POU2F1: variants seen among roughly 807,000 people sequenced by gnomAD.
POU2F1 encodes the protein POU domain, class 2, transcription factor 1.
Under a neutral mutation model 84.9 loss-of-function variants are expected in POU2F1, and 16 were observed. That is an observed-to-expected ratio of 0.19 (90% CI 0.13 to 0.29). The LOEUF (loss-of-function observed/expected upper bound fraction) is 0.29. POU2F1 is among the 10% of genes least tolerant of loss of function. The pLI is 1.00. For missense variants in POU2F1, 738 were observed against 942.6 expected (o/e 0.78, Z 2.84); for synonymous variants, 368 against 368.3 (o/e 1.00, Z 0.01).
chr1:167,382,177 C>T (rs1165099644), intron 7 of POU2F1, among the ~76,000 whole-genome samples: 1 of 152,086 alleles, frequency 6.6e-6, no homozygotes, highest in Admixed American at 6.5e-5. Flanking sequence ...AACATGTAAA[C>T]AAATGGTTTA....
At chr1:167,306,624 A>G (rs1201110248) in intron 1 of POU2F1, among the ~76,000 whole-genome samples, 1 of 152,174 alleles carries the variant, frequency 6.6e-6, no homozygotes, top group African/African-American at 2.4e-5. Context: ...ACTACAAACA[A>G]CAGAAATTTA....
intron 2 of POU2F1, among the ~76,000 whole-genome samples, chr1:167,348,438 A>G (rs968172412): frequency 5.9e-5 from 9 of 152,176 alleles, no homozygotes; most frequent in Non-Finnish European, 1.3e-4. Flanking sequence ...CAGCTGAACC[A>G]TTTTATATTT....
At chr1:167,227,243 T>G (rs1648705714) in intron 1 of POU2F1, among the ~76,000 whole-genome samples, 1 of 152,220 alleles carries the variant, frequency 6.6e-6, no homozygotes, top group Non-Finnish European at 1.5e-5. Flanking sequence ...CAAGTGCAGT[T>G]TATCACATTA....
At position 167,415,711 on chromosome 1, in the gene POU2F1, C is replaced by T. The variant is rs1462309844; in HGVS notation, c.2202C>T (p.Ala734=). 1.2e-6 allele frequency: 2 copies of T among 1,614,014 alleles called. No individual in the cohort carries two copies. Among genetic ancestry groups the T allele is most frequent in the Non-Finnish European group, 1.7e-6 (2 of 1,180,020 alleles). ...GNSAPVASLH[A]TSTSAESIQN... ...CTGCACCTGTAGCCAGCCTTCACGC[C>T]ACCTCCACCTCTGCTGAGTCCATCC... The change falls in exon 16 of 16, where the codon GCC becomes GCT. Residue 734 remains alanine, a synonymous_variant. Coordinates refer to ENST00000367866, the MANE Select transcript of POU2F1 (RefSeq NM_002697.4).
chr1:167,313,049 A>G (rs930241040), intron 1 of POU2F1, among the ~76,000 whole-genome samples: 2 of 152,208 alleles, frequency 1.3e-5, no homozygotes, highest in African/African-American at 4.8e-5. Context: ...GAAACCACCA[A>G]ATGACACATT....
chr1:167,383,986 T>C (rs781451828), intron 8 of POU2F1, 35 bp downstream of exon 8: 1 of 1,527,250 alleles, frequency 6.5e-7, no homozygotes, highest in East Asian at 2.3e-5. Context: ...CTTTCTCTTA[T>C]CATATTGTTT....
chr1:167,381,344 A>C (rs1220546927), intron 7 of POU2F1, among the ~76,000 whole-genome samples: 1 of 152,114 alleles, frequency 6.6e-6, no homozygotes, highest in Non-Finnish European at 1.5e-5. Flanking sequence ...CGGCCTCCCA[A>C]AGTGCTGGGA....
At chr1:167,303,964 A>G (rs2102576757) in intron 1 of POU2F1, among the ~76,000 whole-genome samples, 1 of 152,304 alleles carries the variant, frequency 6.6e-6, no homozygotes. Context: ...TAATGGTTTT[A>G]TAAAATTAAT....
At chr1:167,254,625 T>C (rs1415982983) in intron 1 of POU2F1, among the ~76,000 whole-genome samples, 4 of 152,236 alleles carry the variant, frequency 2.6e-5, no homozygotes, top group Non-Finnish European at 5.9e-5. Flanking sequence ...CCATAGAGTA[T>C]CTTGATGCTA....
chr1:167,364,386 C>T (rs1448485571), intron 2 of POU2F1, among the ~76,000 whole-genome samples: 9 of 149,350 alleles, frequency 6.0e-5, no homozygotes, highest in African/African-American at 2.0e-4. Context: ...AAAAATTAGC[C>T]GGGCGTAGTG....
chr1:167,321,341 G>T (rs914837961), intron 1 of POU2F1, among the ~76,000 whole-genome samples: 3 of 152,186 alleles, frequency 2.0e-5, no homozygotes, highest in African/African-American at 7.2e-5. Context: ...AATGCAAACT[G>T]TTCACAGTCC....
rs1453948390 is a variant in POU2F1, at chr1:167,413,107, T to G, written c.1983T>G (p.Thr661=). ...TAATGAGCAACAGTACACTGGCAAC[T>G]ATTCAAGGTCAGTAGAAGCCTTTTT... ...PALMSNSTLA[T]IQALASGGSL... Residue 661 remains threonine, a synonymous_variant, in exon 15 of 16, where the codon ACT becomes ACG. Transcript: ENST00000367866. 1 of 1,612,608 alleles carries G rather than the reference T, an allele frequency of 6.2e-7. No individual in the cohort carries two copies. The highest frequency in any genetic ancestry group is 1.3e-5 in the African/African-American group (1 of 75,018).
chr1:167,352,395 A>G (rs1215797297), intron 2 of POU2F1, among the ~76,000 whole-genome samples: 3 of 152,206 alleles, frequency 2.0e-5, no homozygotes, highest in African/African-American at 7.2e-5. Context: ...TTGTCATCTT[A>G]TGTCCCCTTA....
At chr1:167,341,340 T>G (rs1657833509) in intron 2 of POU2F1, among the ~76,000 whole-genome samples, 1 of 152,224 alleles carries the variant, frequency 6.6e-6, no homozygotes, top group Non-Finnish European at 1.5e-5. Context: ...ATACTTGTTT[T>G]GTAATGTGAA....
At chr1:167,228,564 T>C (rs1385283808) in intron 1 of POU2F1, among the ~76,000 whole-genome samples, 3 of 152,240 alleles carry the variant, frequency 2.0e-5, no homozygotes, top group Admixed American at 2.0e-4. Flanking sequence ...TTTAGTCTTA[T>C]GGACACTGAA....
chr1:167,256,006 G>A (rs1200029907), intron 1 of POU2F1, among the ~76,000 whole-genome samples: 1 of 152,136 alleles, frequency 6.6e-6, no homozygotes, highest in Non-Finnish European at 1.5e-5. Flanking sequence ...ACGGGGTGGT[G>A]TTTACTTTGC....
intron 2 of POU2F1, among the ~76,000 whole-genome samples, chr1:167,342,745 G>A (rs1351279067): frequency 1.3e-5 from 2 of 152,040 alleles, no homozygotes; most frequent in Non-Finnish European, 2.9e-5. Context: ...TTGAACTTAC[G>A]TTTATCCAGA....
In POU2F1 at chr1:167,373,342, C is replaced by G. The variant is rs55947755; in HGVS notation, c.403-766C>G. ...TTATGAAAACAACTTTAAATATGCT[C>G]TAAATACATTTCCTACTTTACTATT... On this transcript the variant is annotated intron_variant, in intron 5 of 15. Transcript: ENST00000367866. Among the ~76,000 whole-genome samples the G allele has an allele frequency of 3.8e-3, 579 of 152,288 alleles. 2 individuals are homozygous for G. The highest frequency in any genetic ancestry group is 6.1e-3 in the Non-Finnish European group (415 of 68,008).
chr1:167,381,227 C>T (rs1051608541), intron 7 of POU2F1, among the ~76,000 whole-genome samples: 5 of 152,158 alleles, frequency 3.3e-5, no homozygotes, highest in South Asian at 2.1e-4. Flanking sequence ...GGACTACAGG[C>T]GCATGCCACC....
Sources: gnomAD v4.1 joint callset for allele counts (sites outside exome capture counted in the v4.1 genomes callset) on GRCh38, gnomAD v4.1.1 for gene constraint, MANE v1.5 for transcripts, NCBI Gene and HGNC (gene_info 2026-07-23, HGNC 2026-07-21) for gene names.